PAX7: variants seen among roughly 807,000 people sequenced by gnomAD.
PAX7 encodes the protein paired box protein Pax-7.
PAX7 carries 18 observed loss-of-function variants against 50.7 expected under a neutral mutation model. That is an observed-to-expected ratio of 0.36 (90% CI 0.25 to 0.53). PAX7 has a LOEUF of 0.53. PAX7 is among the 20% of genes least tolerant of loss of function. The probability of loss-of-function intolerance (pLI) is 0.93; values close to 1 mark genes in which losing one functional copy is unlikely to be tolerated. For missense variants in PAX7, 644 were observed against 702.9 expected, an observed-to-expected ratio of 0.92 and a Z score of 0.95; for synonymous variants, 310 against 290.4, an observed-to-expected ratio of 1.07 and a Z score of -0.69.
At chr1:18,731,537 G>A (rs892382301) in intron 7 of PAX7, among the ~76,000 whole-genome samples, 11 of 152,044 alleles carry the variant, frequency 7.2e-5, no homozygotes, top group African/African-American at 2.2e-4. Context: ...ATCTGCTTGA[G>A]GAGTCCATGA....
intron 7 of PAX7, among the ~76,000 whole-genome samples, chr1:18,707,491 C>T (rs568514482): frequency 1.4e-5 from 2 of 140,784 alleles, no homozygotes; most frequent in South Asian, 4.6e-4. Context: ...GCGATCTCAG[C>T]TCATTGCAAC....
At position 18,700,766 on chromosome 1, in the gene PAX7, G is replaced by GC. The variant is rs754858754; in HGVS notation, c.906dup (p.Tyr303LeufsTer61). The stretch of plus-strand genomic sequence containing the variant: ...TCCCACCCACCGGCATGCCCACGCT[G>GC]CCCCCCTACCAGCTGCCGGACTCCA... On this transcript the variant is annotated frameshift_variant, in exon 6 of 9. Transcript: ENST00000420770. LOFTEE classifies it high-confidence loss of function. The surrounding 1 kb of genome is among the most constrained non-coding windows in gnomAD (Gnocchi z 4.8). 1 of 1,587,762 alleles carries GC rather than the reference G, an allele frequency of 6.3e-7. No homozygotes were observed. The highest frequency in any genetic ancestry group is 8.6e-7 in the Non-Finnish European group (1 of 1,167,946).
At chr1:18,741,455 GA>G (rs777793825) in intron 8 of PAX7, among the ~76,000 whole-genome samples, 5 of 90,110 alleles carry the variant, frequency 5.5e-5, no homozygotes, top group East Asian at 5.7e-4. Context: ...GTCTCAAAAA[GA>G]AAAAAAAAAA....
In PAX7 at chr1:18,740,301, G is replaced by A. The variant is rs58619426; in HGVS notation, c.1402+4423G>A. 9.8e-3 allele frequency among the ~76,000 whole-genome samples: 1,489 copies of A among 152,270 alleles called. 24 individuals are homozygous for A. Among genetic ancestry groups the A allele is most frequent in the African/African-American group, 0.034 (1,398 of 41,534 alleles). On this transcript the variant is annotated intron_variant, in intron 8 of 8. Coordinates refer to ENST00000420770, the MANE Select transcript of PAX7 (RefSeq NM_001135254.2). ...AAGTTTGGCTTCCTGGTGTTTCCTT[G>A]GCTACCTAGACAGGGCCTGGCAAGC...
At chr1:18,692,776 G>T (rs964739627) in intron 5 of PAX7, among the ~76,000 whole-genome samples, 1 of 152,208 alleles carries the variant, frequency 6.6e-6, no homozygotes, top group African/African-American at 2.4e-5. Flanking sequence ...GGGCAGGGTG[G>T]GCAGCCCCCA....
intron 4 of PAX7, among the ~76,000 whole-genome samples, chr1:18,681,188 A>C (rs1185083972): frequency 5.2e-4 from 75 of 145,288 alleles, no homozygotes; most frequent in African/African-American, 1.9e-3. Context: ...AAAAAAAAAA[A>C]AAAGATTTTG....
chr1:18,635,248 G>A lies in PAX7; in HGVS notation c.451+8G>A, dbSNP rs369367031. 5.6e-6 allele frequency: 9 copies of A among 1,613,020 alleles called. No homozygotes were observed. In the African/African-American group the frequency reaches 9.3e-5, roughly 17 times the overall value. ...GAAGCACTGTGCCCTCAGGTGAGAA[G>A]GCAGCTGAGCCGGCAGAGCTGGCCC... On this transcript the variant is annotated splice_region_variant and intron_variant, in intron 3 of 8. Transcript: ENST00000420770.
intron 4 of PAX7, among the ~76,000 whole-genome samples, chr1:18,687,041 C>T (rs1284890004): frequency 1.3e-5 from 2 of 151,892 alleles, no homozygotes; most frequent in African/African-American, 4.8e-5. Context: ...CAGGCGCATA[C>T]CACCATGCCC....
At chr1:18,688,242 A>T (rs1182783709) in intron 4 of PAX7, among the ~76,000 whole-genome samples, 1 of 152,244 alleles carries the variant, frequency 6.6e-6, no homozygotes, top group Non-Finnish European at 1.5e-5. Context: ...GAACCATAAA[A>T]ACCATAAATA....
At chr1:18,639,727 G>A (rs969220155) in intron 4 of PAX7, among the ~76,000 whole-genome samples, 1 of 152,190 alleles carries the variant, frequency 6.6e-6, no homozygotes, top group African/African-American at 2.4e-5. Flanking sequence ...CTCAGTGGGA[G>A]CTGAGGGAGT....
intron 7 of PAX7, among the ~76,000 whole-genome samples, chr1:18,706,635 G>A (rs567081136): frequency 3.2e-5 from 3 of 93,694 alleles, no homozygotes; most frequent in Admixed American, 1.2e-4. Context: ...GGCCCCTGCC[G>A]CCACTCCCAA....
intron 7 of PAX7, among the ~76,000 whole-genome samples, chr1:18,727,190 C>T (rs1247535990): frequency 6.6e-6 from 1 of 152,102 alleles, no homozygotes; most frequent in East Asian, 1.9e-4. Flanking sequence ...GCACATATAA[C>T]ACACAGGCAC....
intron 5 of PAX7, among the ~76,000 whole-genome samples, chr1:18,694,352 G>C (rs60296314): frequency 0.02 from 3,011 of 151,862 alleles, 121 homozygotes; most frequent in African/African-American, 0.068. Flanking sequence ...CCAGCTACTC[G>C]GGAGACTGAG....
intron 4 of PAX7, among the ~76,000 whole-genome samples, chr1:18,670,472 C>T (rs1570148848): frequency 6.6e-6 from 1 of 152,154 alleles, no homozygotes; most frequent in Non-Finnish European, 1.5e-5. Flanking sequence ...GACCTGTCTG[C>T]GCCCCTCCCA....
At chr1:18,683,276 A>G (rs551211136) in intron 4 of PAX7, among the ~76,000 whole-genome samples, 61 of 152,336 alleles carry the variant, frequency 4.0e-4, no homozygotes, top group Non-Finnish European at 7.2e-4. Flanking sequence ...GAATGCAGCT[A>G]TGGATACCTT....
At chr1:18,671,369 A>G (rs1254327830) in intron 4 of PAX7, among the ~76,000 whole-genome samples, 1 of 152,260 alleles carries the variant, frequency 6.6e-6, no homozygotes, top group Non-Finnish European at 1.5e-5. Context: ...AAGAGGAGGA[A>G]AGAAAAGAAA....
In PAX7 at chr1:18,748,481, T is replaced by G. The variant is rs1189631188; in HGVS notation, c.*3552T>G. 1.3e-5 allele frequency: 3 copies of G among 231,878 alleles called. No individual in the cohort carries two copies. The highest frequency in any genetic ancestry group is 2.6e-5 in the Non-Finnish European group (3 of 117,280). 14.4% of individuals were successfully genotyped at this position (231,878 alleles called of 1,614,324 possible). ...AATGGGGGTTCTCTAGCCGCCAACT[T>G]GAAACGCTCTGAGACTTCTGTGTAT... is the stretch of plus-strand genomic sequence containing the variant. On this transcript the variant is annotated 3_prime_UTR_variant, in exon 9 of 9. Transcript: ENST00000420770.
At chr1:18,712,842 G>A (rs1335965925) in intron 7 of PAX7, among the ~76,000 whole-genome samples, 3 of 152,194 alleles carry the variant, frequency 2.0e-5, no homozygotes, top group African/African-American at 7.2e-5. Flanking sequence ...AGCACTTTGG[G>A]AGGCTGAGGC....
intron 7 of PAX7, among the ~76,000 whole-genome samples, chr1:18,714,193 T>C (rs1260628564): frequency 6.9e-6 from 1 of 145,504 alleles, no homozygotes; most frequent in African/African-American, 2.5e-5. Flanking sequence ...GGTGACAGAA[T>C]GAGGCTCCGT....
Sources: allele counts gnomAD v4.1 joint callset (sites outside exome capture counted in the v4.1 genomes callset), GRCh38; gene constraint gnomAD v4.1.1; non-coding constraint Gnocchi (gnomAD v3.1); transcripts MANE v1.5; gene names NCBI Gene and HGNC (gene_info 2026-07-23, HGNC 2026-07-21).